Variants in PRMT3 observed in about 807,000 individuals in gnomAD.
The protein encoded by PRMT3 is protein arginine methyltransferase 3, also known as protein arginine N-methyltransferase 3.
PRMT3 carries 62 observed loss-of-function variants against 71.9 expected under a neutral mutation model. The observed-to-expected ratio is 0.86, with a 90% confidence interval of 0.70 to 1.07. The LOEUF (loss-of-function observed/expected upper bound fraction) is 1.07, where lower values mean the gene tolerates loss of function less well. Among genes scored for constraint, PRMT3 ranks in the 50% least tolerant of loss-of-function variants. The pLI, the probability that PRMT3 is intolerant of heterozygous loss-of-function variation, is 0.00. For missense variants in PRMT3, 663 were observed against 643.0 expected (o/e 1.03, Z -0.34); for synonymous variants, 213 against 220.4 (o/e 0.97, Z 0.30).
chr11:20,459,360 C>T (rs1419604873), intron 11 of PRMT3, among the ~76,000 whole-genome samples: 1 of 152,162 alleles, frequency 6.6e-6, no homozygotes, highest in Non-Finnish European at 1.5e-5. Context: ...GAACGGCACT[C>T]CCTGAAGTAG....
At chr11:20,471,018 T>G (rs1350901788) in intron 13 of PRMT3, among the ~76,000 whole-genome samples, 1 of 152,112 alleles carries the variant, frequency 6.6e-6, no homozygotes, top group Non-Finnish European at 1.5e-5. Context: ...ATATGTTTCT[T>G]GGCCACATGT....
At chr11:20,468,430 A>G (rs1415574400) in intron 13 of PRMT3, among the ~76,000 whole-genome samples, 1 of 152,104 alleles carries the variant, frequency 6.6e-6, no homozygotes, top group Non-Finnish European at 1.5e-5. Flanking sequence ...GTGCAGTGGC[A>G]TGATCTCAGC....
rs145990969 is a variant in PRMT3 at position 20,426,784 on chromosome 11, T to C, written c.912T>C (p.Asp304=). ...TTTTCAGACTAAATAAACTTGAAGA[T>C]ACTATTACACTAATTAAAGGAAAGA... ...MDIIRLNKLE[D]TITLIKGKIE... The change falls in exon 10 of 16, where the codon GAT becomes GAC. Residue 304 remains aspartate (D), a synonymous_variant. Coordinates refer to ENST00000331079, the MANE Select transcript of PRMT3 (RefSeq NM_005788.4). The C allele has an allele frequency of 1.3e-6, 2 of 1,491,684 alleles. No homozygotes were observed. Among genetic ancestry groups the C allele is most frequent in the African/African-American group, 1.5e-5 (1 of 67,950 alleles). 92.4% of individuals were successfully genotyped at this position (1,491,684 alleles called of 1,614,324 possible).
rs556104900 is a variant in PRMT3 at position 20,400,845 on chromosome 11, T to TA, written c.706-2066dup. On this transcript the variant is annotated intron_variant, in intron 7 of 15. Transcript: ENST00000331079. The stretch of plus-strand genomic sequence containing the variant: ...ATTTTTCTTAGTTTCAAGGTTGATA[T>TA]AAAAAAAATTTTTAAATTTCTGTTT... 4.0e-5 allele frequency among the ~76,000 whole-genome samples: 6 copies of TA among 151,690 alleles called. No homozygotes were observed. The South Asian group carries it at 1.2e-3, about 31-fold the overall frequency.
chr11:20,435,851 AT>A (rs1475608960), intron 10 of PRMT3, among the ~76,000 whole-genome samples: 1 of 152,122 alleles, frequency 6.6e-6, no homozygotes, highest in Admixed American at 6.5e-5. Context: ...AGGGTTGTTT[AT>A]TTCTACGAAG....
intron 11 of PRMT3, among the ~76,000 whole-genome samples, chr11:20,454,878 G>A (rs1039327665): frequency 1.3e-5 from 2 of 151,988 alleles, no homozygotes; most frequent in Non-Finnish European, 2.9e-5. Context: ...AGCAGTAAAG[G>A]CTTTATAAAG....
intron 7 of PRMT3, among the ~76,000 whole-genome samples, chr11:20,399,216 T>C (rs958581632): frequency 1.3e-5 from 2 of 152,226 alleles, no homozygotes; most frequent in Non-Finnish European, 2.9e-5. Context: ...TTTTATTTTA[T>C]GGTTTCCCTG....
At chr11:20,420,390 C>T (rs1350753969) in intron 9 of PRMT3, among the ~76,000 whole-genome samples, 2 of 152,114 alleles carry the variant, frequency 1.3e-5, no homozygotes, top group Non-Finnish European at 2.9e-5. Context: ...TGATAAAGAA[C>T]AGGGGTCCCC....
intron 11 of PRMT3, among the ~76,000 whole-genome samples, chr11:20,452,526 A>T (rs1353662074): frequency 6.6e-6 from 1 of 152,120 alleles, no homozygotes; most frequent in African/African-American, 2.4e-5. Flanking sequence ...TTTTATTTTT[A>T]ATCCTCATGT....
chr11:20,467,970 G>A (rs905997704), intron 13 of PRMT3, among the ~76,000 whole-genome samples: 8 of 152,128 alleles, frequency 5.3e-5, no homozygotes, highest in South Asian at 4.1e-4. Flanking sequence ...AGCTACTTAC[G>A]CAAGCATGGC....
chr11:20,454,851 C>T (rs1370193364), intron 11 of PRMT3, among the ~76,000 whole-genome samples: 1 of 151,952 alleles, frequency 6.6e-6, no homozygotes, highest in Non-Finnish European at 1.5e-5. Flanking sequence ...TTATGTCTCA[C>T]CATACATATT....
In PRMT3 at chr11:20,394,889, A is replaced by G. The variant is rs149079676; in HGVS notation, c.401-914A>G. ...CCTCCATGTTCATTCATATTTTCAT[A>G]TATGGCAGGATTTCCCTTAAGCAAT... On this transcript the variant is annotated intron_variant, in intron 5 of 15. Transcript: ENST00000331079. Among the ~76,000 whole-genome samples, 782 of 152,202 alleles carry G rather than the reference A, an allele frequency of 5.1e-3. 3 individuals carry two copies. The highest frequency in any genetic ancestry group is 7.9e-3 in the Admixed American group (121 of 15,290).
chr11:20,398,539 G>C (rs1191287290), intron 7 of PRMT3, among the ~76,000 whole-genome samples: 8 of 152,050 alleles, frequency 5.3e-5, no homozygotes, highest in Non-Finnish European at 1.2e-4. Flanking sequence ...TGCAAGCTCC[G>C]CCTCTCAGGT....
intron 10 of PRMT3, among the ~76,000 whole-genome samples, chr11:20,433,101 G>A (rs1590060372): frequency 6.6e-6 from 1 of 150,748 alleles, no homozygotes; most frequent in South Asian, 2.1e-4. Context: ...TTGTTATTTA[G>A]GTAATAACTT....
At position 20,392,969 on chromosome 11, in the gene PRMT3, G is replaced by GTAT. The variant is rs1374908197; in HGVS notation, c.373_375dup (p.Leu125dup). 6.2e-7 allele frequency: 1 copy of GTAT among 1,603,826 alleles called. No homozygotes were observed. Among genetic ancestry groups the GTAT allele is most frequent in the Non-Finnish European group, 8.5e-7 (1 of 1,170,826 alleles). ...GGAGAAAGAAGAGTATTTGAAGCCA[G>GTAT]TATTAGAAGATGACCTTTTACTTCA... On this transcript the variant is annotated inframe_insertion, in exon 5 of 16. Coordinates refer to ENST00000331079, the MANE Select transcript of PRMT3 (RefSeq NM_005788.4).
At chr11:20,502,568 C>G (rs1438910777) in intron 15 of PRMT3, among the ~76,000 whole-genome samples, 2 of 152,106 alleles carry the variant, frequency 1.3e-5, no homozygotes, top group Non-Finnish European at 2.9e-5. Context: ...ATTACTAATT[C>G]ATTTTGACTG....
chr11:20,407,651 T>C (rs1849099976), intron 8 of PRMT3: 1 of 256,728 alleles, frequency 3.9e-6, no homozygotes, highest in Admixed American at 5.0e-5. Flanking sequence ...ATGGTTAGAT[T>C]ATCTCTCTTC....
chr11:20,398,494 C>T (rs1848880548), intron 7 of PRMT3, among the ~76,000 whole-genome samples: 1 of 152,054 alleles, frequency 6.6e-6, no homozygotes, highest in Admixed American at 6.6e-5. Context: ...GCTCTGTCAC[C>T]CAGGCTGGAG....
At chr11:20,448,403 C>T (rs1334935413) in intron 10 of PRMT3, among the ~76,000 whole-genome samples, 2 of 152,132 alleles carry the variant, frequency 1.3e-5, no homozygotes, top group Middle Eastern at 3.4e-3. Context: ...AAAATGTTAT[C>T]AACTACTTAT....
Sources: gnomAD v4.1 joint callset for allele counts (sites outside exome capture counted in the v4.1 genomes callset) on GRCh38, gnomAD v4.1.1 for gene constraint, MANE v1.5 for transcripts, NCBI Gene and HGNC (gene_info 2026-07-23, HGNC 2026-07-21) for gene names.